Variants in ZNF475 observed in about 807,000 individuals in gnomAD.
ZNF475 encodes the protein zinc finger protein 475.
At chr5:122,166,711 G>A in the ZNF475 span, among the ~76,000 whole-genome samples, 1 of 152,198 alleles carries the variant, frequency 6.6e-6, no homozygotes, top group African/African-American at 2.4e-5. Flanking sequence ...GTGTACATGT[G>A]CCACATTTAC....
the ZNF475 span, among the ~76,000 whole-genome samples, chr5:122,177,419 T>C: frequency 7.8e-4 from 118 of 152,234 alleles, 1 homozygote; most frequent in Admixed American, 1.6e-3. Context: ...AGAGGAATTA[T>C]GCCTGATTTA....
At chr5:122,179,786 T>A in the ZNF475 span, 1 of 1,233,192 alleles carries the variant, frequency 8.1e-7, no homozygotes, top group Non-Finnish European at 1.1e-6. Context: ...CTCTCTAAAC[T>A]AATAAGAGCA....
chr5:122,179,702 T>TA, the ZNF475 span: 1 of 1,524,202 alleles, frequency 6.6e-7, no homozygotes, highest in Non-Finnish European at 8.7e-7. Context: ...GACCAGTACC[T>TA]AAAAAACCAG....
chr5:122,166,828 A>G, the ZNF475 span, among the ~76,000 whole-genome samples: 4 of 152,212 alleles, frequency 2.6e-5, no homozygotes, highest in African/African-American at 9.7e-5. Flanking sequence ...TAGCAGCATG[A>G]TTTATAATCC....
the ZNF475 span, among the ~76,000 whole-genome samples, chr5:122,172,482 A>C: frequency 6.6e-6 from 1 of 152,208 alleles, no homozygotes; most frequent in Non-Finnish European, 1.5e-5. Context: ...GGGCTAATAG[A>C]CAGGTTTTAG....
chr5:122,177,312 A>G, the ZNF475 span, among the ~76,000 whole-genome samples: 1 of 152,234 alleles, frequency 6.6e-6, no homozygotes, highest in Non-Finnish European at 1.5e-5. Context: ...GTGGGCGGGC[A>G]TAATAGTGTT....
At chr5:122,167,720 GGTTTTAGAAACCT>G in the ZNF475 span, among the ~76,000 whole-genome samples, 1 of 152,126 alleles carries the variant, frequency 6.6e-6, no homozygotes, top group Non-Finnish European at 1.5e-5. Flanking sequence ...GAATTTTGAT[GGTTTTAGAAACCT>G]GTTATGCCAC....
At chr5:122,179,840 C>A in the ZNF475 span, 2 of 741,900 alleles carry the variant, frequency 2.7e-6, no homozygotes, top group Non-Finnish European at 2.0e-6. Context: ...AAATCAACAA[C>A]ATTTCTTGCC....
At chr5:122,160,877 C>T in the ZNF475 span, among the ~76,000 whole-genome samples, 11 of 152,272 alleles carry the variant, frequency 7.2e-5, no homozygotes, top group East Asian at 3.9e-4. Flanking sequence ...ATATAATGAG[C>T]GAATGGATAT....
the ZNF475 span, among the ~76,000 whole-genome samples, chr5:122,162,759 A>G: frequency 6.6e-6 from 1 of 152,230 alleles, no homozygotes; most frequent in Non-Finnish European, 1.5e-5. Flanking sequence ...TAAACTTAAC[A>G]GAAAACCATC....
chr5:122,171,382 C>G, the ZNF475 span, among the ~76,000 whole-genome samples: 1 of 152,070 alleles, frequency 6.6e-6, no homozygotes, highest in African/African-American at 2.4e-5. Flanking sequence ...TCATTCCAGG[C>G]ATCTGTGTAC....
At chr5:122,176,864 A>C in the ZNF475 span, among the ~76,000 whole-genome samples, 1 of 152,150 alleles carries the variant, frequency 6.6e-6, no homozygotes. Flanking sequence ...TAAGCTATTC[A>C]ATTTGTTCTC....
chr5:122,164,463 A>G, the ZNF475 span, among the ~76,000 whole-genome samples: 1 of 152,192 alleles, frequency 6.6e-6, no homozygotes, highest in Non-Finnish European at 1.5e-5. Context: ...ACCAGGTGAG[A>G]TGCTGTAAAG....
the ZNF475 span, among the ~76,000 whole-genome samples, chr5:122,169,470 G>T: frequency 2.0e-5 from 3 of 152,186 alleles, no homozygotes; most frequent in Non-Finnish European, 4.4e-5. Flanking sequence ...AAGGCATGGA[G>T]ACAGCAAAAT....
the ZNF475 span, among the ~76,000 whole-genome samples, chr5:122,174,315 T>C: frequency 1.3e-5 from 2 of 152,146 alleles, no homozygotes; most frequent in South Asian, 2.1e-4. Context: ...TAACCACAAG[T>C]TGGAGATTGC....
At chr5:122,182,433 T>C in the ZNF475 span, 1 of 1,336,908 alleles carries the variant, frequency 7.5e-7, no homozygotes, top group African/African-American at 1.5e-5. Flanking sequence ...TCTTTCCCTT[T>C]TGTTTTTGGT....
the ZNF475 span, among the ~76,000 whole-genome samples, chr5:122,170,518 C>T: frequency 3.9e-5 from 6 of 152,156 alleles, no homozygotes; most frequent in African/African-American, 1.4e-4. Context: ...AATAGGTACA[C>T]AGGGCAAAGT....
At chr5:122,176,237 A>G in the ZNF475 span, among the ~76,000 whole-genome samples, 1 of 152,144 alleles carries the variant, frequency 6.6e-6, no homozygotes, top group Non-Finnish European at 1.5e-5. Context: ...TATTCTCCCA[A>G]GAATTTTTCT....
chr5:122,160,276 T>C, the ZNF475 span: 1 of 1,289,762 alleles, frequency 7.8e-7, no homozygotes, highest in South Asian at 1.2e-5. Flanking sequence ...ACAGGACCAG[T>C]TCTCTTCTAC....
Sources: allele counts gnomAD v4.1 joint callset (sites outside exome capture counted in the v4.1 genomes callset), GRCh38; gene constraint gnomAD v4.1.1; transcripts MANE v1.5; gene names NCBI Gene and HGNC (gene_info 2026-07-23, HGNC 2026-07-21).